The following SHANK2 variants were observed in gnomAD, a reference collection of about 807,000 sequenced individuals.
SHANK2 encodes SH3 and multiple ankyrin repeat domains protein 2.
In SHANK2, 43 loss-of-function variants were observed where a neutral mutation model predicts 133.7. The observed-to-expected ratio is 0.32, with a 90% CI of 0.25 to 0.41. The LOEUF (loss-of-function observed/expected upper bound fraction) is 0.41. Ranked by LOEUF, SHANK2 falls within the 10% of genes least tolerant of loss-of-function variation. The pLI, the probability that SHANK2 is intolerant of heterozygous loss-of-function variation, is 1.00. For synonymous variants in SHANK2, 1,017 were observed against 952.8 expected, an observed-to-expected ratio of 1.07 and a Z score of -1.24; for missense variants, 1,994 against 2,235.8, an observed-to-expected ratio of 0.89 and a Z score of 2.18.
chr11:70,782,032 T>A (rs1323553914), intron 14 of SHANK2, among the ~76,000 whole-genome samples: 1 of 152,124 alleles, frequency 6.6e-6, no homozygotes, highest in Non-Finnish European at 1.5e-5. Flanking sequence ...AAACACCGCA[T>A]GTTCTCACTC....
intron 17 of SHANK2, among the ~76,000 whole-genome samples, chr11:70,605,623 C>T (rs1182965284): frequency 3.3e-5 from 5 of 152,208 alleles, no homozygotes; most frequent in Admixed American, 6.5e-5. Flanking sequence ...ATGTATCAGG[C>T]GCACGGGGAG....
chr11:71,068,212 G>T (rs1372346226), intron 9 of SHANK2, among the ~76,000 whole-genome samples: 1 of 152,144 alleles, frequency 6.6e-6, no homozygotes, highest in Non-Finnish European at 1.5e-5. Flanking sequence ...AAAGAGGAAG[G>T]GGGTGATGTA....
chr11:70,901,281 T>C (rs1950019168), intron 10 of SHANK2, among the ~76,000 whole-genome samples: 1 of 152,198 alleles, frequency 6.6e-6, no homozygotes, highest in South Asian at 2.1e-4. Flanking sequence ...AAAGTTATGA[T>C]ATAATCACAG....
intron 11 of SHANK2, among the ~76,000 whole-genome samples, chr11:70,854,337 G>C (rs1016712491): frequency 6.6e-6 from 1 of 152,238 alleles, no homozygotes; most frequent in African/African-American, 2.4e-5. Flanking sequence ...GTCCAGCAGA[G>C]AGAAGGCTGC....
chr11:71,168,309 C>T (rs528181807), intron 2 of SHANK2, among the ~76,000 whole-genome samples: 2 of 133,840 alleles, frequency 1.5e-5, no homozygotes, highest in South Asian at 2.6e-4. Flanking sequence ...GATGGGATGG[C>T]GGCCGGGCAG....
chr11:70,649,146 C>T (rs1189708207), intron 17 of SHANK2, among the ~76,000 whole-genome samples: 1 of 152,194 alleles, frequency 6.6e-6, no homozygotes, highest in Admixed American at 6.5e-5. Flanking sequence ...TAACCCACTC[C>T]TCCATCTGCA....
chr11:70,495,229 CG>C (rs1214763881), intron 21 of SHANK2, among the ~76,000 whole-genome samples: 2 of 152,190 alleles, frequency 1.3e-5, no homozygotes, highest in Non-Finnish European at 2.9e-5. Context: ...CTGGGCTGCA[CG>C]GGCTGGGTCC....
intron 15 of SHANK2, among the ~76,000 whole-genome samples, chr11:70,687,797 G>A (rs1404659937): frequency 6.6e-6 from 1 of 152,222 alleles, no homozygotes; most frequent in Non-Finnish European, 1.5e-5. Flanking sequence ...GAGCAAGGCA[G>A]GCCTCTGGGA....
intron 17 of SHANK2, among the ~76,000 whole-genome samples, chr11:70,626,077 C>T (rs1554999860): frequency 1.3e-5 from 2 of 152,108 alleles, no homozygotes; most frequent in Non-Finnish European, 2.9e-5. Flanking sequence ...CCTCCCATCC[C>T]GGCTGAGCAT....
chr11:70,891,375 G>A (rs1300699777), intron 11 of SHANK2, among the ~76,000 whole-genome samples: 2 of 152,160 alleles, frequency 1.3e-5, no homozygotes, highest in African/African-American at 2.4e-5. Flanking sequence ...GGTGGCGGGC[G>A]CCCGTAGTCC....
At chr11:70,709,836 G>C (rs1022579687) in intron 14 of SHANK2, among the ~76,000 whole-genome samples, 1 of 152,012 alleles carries the variant, frequency 6.6e-6, no homozygotes, top group Non-Finnish European at 1.5e-5. Context: ...GGAGAGAGGA[G>C]AGAAGAGGAG....
At chr11:71,149,927 G>C (rs1555107551) in intron 2 of SHANK2, among the ~76,000 whole-genome samples, 1 of 25,470 alleles carries the variant, frequency 3.9e-5, no homozygotes, top group Non-Finnish European at 7.5e-5. Flanking sequence ...AGGGAGGGAG[G>C]GAGAGGAGGG....
At chr11:70,736,813 C>A (rs1946414894) in intron 14 of SHANK2, among the ~76,000 whole-genome samples, 1 of 152,156 alleles carries the variant, frequency 6.6e-6, no homozygotes, top group African/African-American at 2.4e-5. Flanking sequence ...AGGGATGAAG[C>A]AAAGGACAGC....
chr11:71,252,146 G>T lies in SHANK2; in HGVS notation c.-113+279C>A, dbSNP rs118086555. Among the ~76,000 whole-genome samples the T allele has an allele frequency of 6.0e-3, 917 of 152,268 alleles. 16 individuals carry two copies. The East Asian group carries it at 0.068, about 11-fold the overall frequency. On this transcript the variant is annotated intron_variant, in intron 1 of 25. Coordinates refer to ENST00000601538, the MANE Select transcript of SHANK2 (RefSeq NM_012309.5). This position sits in a 1 kb window ranked among gnomAD's most constrained non-coding sequence, Gnocchi z 6.3. ...GCTCCTTCCTGCGCTCTGCCCCCAC[G>T]CCGCTTCCAAAGCTTTCGACACCGG... is the stretch of plus-strand genomic sequence containing the variant.
chr11:70,764,664 T>C (rs1947078675), intron 14 of SHANK2, among the ~76,000 whole-genome samples: 1 of 150,812 alleles, frequency 6.6e-6, no homozygotes, highest in African/African-American at 2.4e-5. Flanking sequence ...CACCCACTCA[T>C]GCATCCACAC....
At chr11:70,523,155 T>G (rs1038825588) in intron 17 of SHANK2, among the ~76,000 whole-genome samples, 1 of 152,326 alleles carries the variant, frequency 6.6e-6, no homozygotes, top group Non-Finnish European at 1.5e-5. Context: ...CAGGGTGTGC[T>G]TCTGCATCTG....
intron 9 of SHANK2, among the ~76,000 whole-genome samples, chr11:71,057,853 A>C (rs1229331118): frequency 6.8e-6 from 1 of 146,126 alleles, no homozygotes; most frequent in East Asian, 2.0e-4. Context: ...CTGACCAGAG[A>C]TTCTTTTTTT....
intron 17 of SHANK2, among the ~76,000 whole-genome samples, chr11:70,646,769 A>G (rs782133960): frequency 4.3e-4 from 66 of 152,184 alleles, no homozygotes; most frequent in Non-Finnish European, 1.0e-4. Context: ...GATAGAAAAC[A>G]GGGTTTCTGA....
chr11:71,245,199 C>T (rs1340181886), intron 1 of SHANK2, among the ~76,000 whole-genome samples: 6 of 152,028 alleles, frequency 3.9e-5, no homozygotes, highest in Non-Finnish European at 8.8e-5. Context: ...AGGCTGGTCT[C>T]AAATTCCTGG....
Sources: gnomAD v4.1 joint callset for allele counts (sites outside exome capture counted in the v4.1 genomes callset) on GRCh38, gnomAD v4.1.1 for gene constraint, Gnocchi (gnomAD v3.1) non-coding constraint, MANE v1.5 for transcripts, NCBI Gene and HGNC (gene_info 2026-07-23, HGNC 2026-07-21) for gene names.